CDH13: variants seen among roughly 807,000 people sequenced by gnomAD.
The protein encoded by CDH13 is cadherin-13.
In CDH13, 24 loss-of-function variants were observed where a neutral mutation model predicts 63.8. The observed-to-expected ratio is 0.38, with a 90% CI of 0.27 to 0.53. The LOEUF is 0.53. Among genes scored for constraint, CDH13 ranks in the 20% least tolerant of loss-of-function variants. The pLI, the probability that CDH13 is intolerant of heterozygous loss-of-function variation, is 0.85. For missense variants in CDH13, 1,049 were observed against 903.1 expected (o/e 1.16, Z -2.07); for synonymous variants, 503 against 355.3 (o/e 1.42, Z -4.67).
chr16:83,636,696 T>C (rs1911294880), intron 8 of CDH13, among the ~76,000 whole-genome samples: 1 of 152,224 alleles, frequency 6.6e-6, no homozygotes, highest in Non-Finnish European at 1.5e-5. Flanking sequence ...GTCTTTGCTG[T>C]TGTGTATAGT....
At chr16:83,616,774 C>G (rs1377538012) in intron 8 of CDH13, among the ~76,000 whole-genome samples, 2 of 152,150 alleles carry the variant, frequency 1.3e-5, no homozygotes, top group Non-Finnish European at 2.9e-5. Flanking sequence ...CCATTTTGTA[C>G]TGAACAATTT....
At chr16:83,159,036 C>G (rs183645872) in intron 4 of CDH13, among the ~76,000 whole-genome samples, 7 of 152,310 alleles carry the variant, frequency 4.6e-5, no homozygotes, top group African/African-American at 1.4e-4. Context: ...ACAATTCCTA[C>G]ATAGTCAGAC....
intron 1 of CDH13, among the ~76,000 whole-genome samples, chr16:82,673,839 G>A (rs182081707): frequency 6.6e-6 from 1 of 152,290 alleles, no homozygotes; most frequent in East Asian, 1.9e-4. Context: ...TAGCAACAGA[G>A]GCAACTGTAT....
intron 4 of CDH13, among the ~76,000 whole-genome samples, chr16:83,125,833 G>C (rs2035786599): frequency 6.6e-6 from 1 of 152,108 alleles, no homozygotes. Flanking sequence ...CCCTAGGATG[G>C]TAGTATGTTG....
intron 7 of CDH13, among the ~76,000 whole-genome samples, chr16:83,600,580 T>C (rs1185178171): frequency 1.3e-5 from 2 of 152,204 alleles, no homozygotes; most frequent in Non-Finnish European, 2.9e-5. Flanking sequence ...CTCCATTGCT[T>C]TTTTGTTCCT....
At chr16:82,648,163 C>T (rs1051827133) in intron 1 of CDH13, among the ~76,000 whole-genome samples, 1 of 152,174 alleles carries the variant, frequency 6.6e-6, no homozygotes, top group Admixed American at 6.5e-5. Flanking sequence ...TTGGGTATTT[C>T]ATCATAGCAG....
chr16:83,546,391 C>T (rs1034349497), intron 7 of CDH13, among the ~76,000 whole-genome samples: 4 of 150,014 alleles, frequency 2.7e-5, no homozygotes, highest in South Asian at 2.1e-4. Context: ...ATTTTATTTT[C>T]GGTTGTACCT....
At chr16:83,724,175 A>AGTGATAAATGCATGGGTGG (rs1567551981) in intron 10 of CDH13, among the ~76,000 whole-genome samples, 2 of 141,176 alleles carry the variant, frequency 1.4e-5, no homozygotes, top group South Asian at 2.3e-4. Flanking sequence ...TACATGGGTG[A>AGTGATAAATGCATGGGTGG]GTGATAAATG....
rs185636726 is a variant in CDH13, at chr16:83,416,205, A to G, written c.782-70272A>G. ...AAACTTAACTAAGACAGTGAAAGAC[A>G]TGTATTCTGAAAACTACAAAACATT... On this transcript the variant is annotated intron_variant, in intron 6 of 13. Transcript: ENST00000567109. Among the ~76,000 whole-genome samples the G allele has an allele frequency of 3.5e-3, 538 of 152,360 alleles. 7 individuals carry two copies. The highest frequency in any genetic ancestry group is 0.012 in the African/African-American group (519 of 41,588).
intron 6 of CDH13, among the ~76,000 whole-genome samples, chr16:83,472,550 C>G (rs966944316): frequency 2.6e-5 from 4 of 152,110 alleles, no homozygotes; most frequent in African/African-American, 9.7e-5. Context: ...ACCCCAGATC[C>G]GAGGGAGCAT....
intron 6 of CDH13, among the ~76,000 whole-genome samples, chr16:83,377,332 C>T (rs368770635): frequency 6.6e-6 from 1 of 152,200 alleles, no homozygotes; most frequent in African/African-American, 2.4e-5. Context: ...CTGGCCCACA[C>T]CCAGCCCCCA....
chr16:83,170,823 C>G (rs950974755), intron 4 of CDH13, among the ~76,000 whole-genome samples: 2 of 151,954 alleles, frequency 1.3e-5, no homozygotes. Context: ...CTGATTTGAC[C>G]AAACTTTTCA....
chr16:83,491,869 T>A (rs150285557), intron 7 of CDH13, among the ~76,000 whole-genome samples: 3 of 152,178 alleles, frequency 2.0e-5, no homozygotes, highest in Non-Finnish European at 2.9e-5. Flanking sequence ...ATGCCCAAAT[T>A]TTTAGGCCAG....
chr16:83,008,821 C>G (rs879285672), intron 2 of CDH13, among the ~76,000 whole-genome samples: 3 of 152,102 alleles, frequency 2.0e-5, no homozygotes, highest in Admixed American at 2.0e-4. Context: ...AAAGACATGC[C>G]CAAGACTGAG....
At chr16:82,802,400 G>A (rs550526157) in intron 1 of CDH13, among the ~76,000 whole-genome samples, 1 of 152,092 alleles carries the variant, frequency 6.6e-6, no homozygotes, top group Non-Finnish European at 1.5e-5. Flanking sequence ...GCTTCGCCTG[G>A]CAAAACAGGA....
chr16:83,075,096 G>A (rs1364475649), intron 3 of CDH13, among the ~76,000 whole-genome samples: 2 of 152,114 alleles, frequency 1.3e-5, no homozygotes, highest in Non-Finnish European at 2.9e-5. Flanking sequence ...ACAATTCTGG[G>A]GGATGTTTCT....
chr16:83,287,542 T>G (rs2089349588), intron 5 of CDH13, among the ~76,000 whole-genome samples: 1 of 152,182 alleles, frequency 6.6e-6, no homozygotes, highest in South Asian at 2.1e-4. Context: ...GGATCTAGGT[T>G]GCATGCTCCT....
chr16:83,630,258 A>G (rs745535789), intron 8 of CDH13, among the ~76,000 whole-genome samples: 3 of 152,192 alleles, frequency 2.0e-5, no homozygotes, highest in Non-Finnish European at 4.4e-5. Context: ...AATAAAGTGC[A>G]ACATTTTGAT....
intron 3 of CDH13, among the ~76,000 whole-genome samples, chr16:83,034,172 G>T (rs950537273): frequency 7.9e-5 from 12 of 152,078 alleles, no homozygotes; most frequent in African/African-American, 2.4e-4. Flanking sequence ...TACTGTCACC[G>T]TGCTCGTGGC....
Sources: gnomAD v4.1 joint callset for allele counts (sites outside exome capture counted in the v4.1 genomes callset) on GRCh38, gnomAD v4.1.1 for gene constraint, MANE v1.5 for transcripts, NCBI Gene and HGNC (gene_info 2026-07-23, HGNC 2026-07-21) for gene names.